Variants in HEPACAM2 observed in about 807,000 individuals in gnomAD.
HEPACAM2 encodes mitotic kinetics regulator.
Under a neutral mutation model 49.6 loss-of-function variants are expected in HEPACAM2, and 49 were observed. That is an observed-to-expected ratio of 0.99 (90% CI 0.78 to 1.25). HEPACAM2 has a LOEUF of 1.25. HEPACAM2 is among the 50% of genes most tolerant of loss of function. The pLI, the probability that HEPACAM2 is intolerant of heterozygous loss-of-function variation, is 0.00. For synonymous variants in HEPACAM2, 197 were observed against 202.9 expected (o/e 0.97, Z 0.25); for missense variants, 525 against 557.2 (o/e 0.94, Z 0.58).
chr7:93,210,003 T>C (rs751580136), intron 3 of HEPACAM2, among the ~76,000 whole-genome samples: 18 of 152,000 alleles, frequency 1.2e-4, no homozygotes, highest in Admixed American at 2.6e-4. Flanking sequence ...GGTGTTTTTT[T>C]CCACATTGCA....
At chr7:93,195,104 CA>C (rs1000176690) in intron 8 of HEPACAM2, among the ~76,000 whole-genome samples, 4 of 151,650 alleles carry the variant, frequency 2.6e-5, no homozygotes, top group Non-Finnish European at 2.9e-5. Flanking sequence ...GCAATGTTGT[CA>C]AAAGATATGA....
chr7:93,213,189 G>A (rs755010258), intron 3 of HEPACAM2, among the ~76,000 whole-genome samples: 3 of 151,694 alleles, frequency 2.0e-5, no homozygotes, highest in Non-Finnish European at 2.9e-5. Context: ...GCCATATGTT[G>A]CACACAAAAT....
intron 4 of HEPACAM2, among the ~76,000 whole-genome samples, chr7:93,205,322 T>C (rs1470982919): frequency 6.6e-6 from 1 of 152,100 alleles, no homozygotes; most frequent in Non-Finnish European, 1.5e-5. Context: ...CTCTCCAGCC[T>C]TCCTCTCCCC....
upstream of HEPACAM2, among the ~76,000 whole-genome samples, chr7:93,229,869 G>A (rs889142321): frequency 4.6e-5 from 7 of 152,232 alleles, no homozygotes; most frequent in African/African-American, 7.2e-5. Flanking sequence ...TTTTTTGAGC[G>A]TAGACAGATA....
chr7:93,230,997 A>G (rs1481902537), upstream of HEPACAM2, among the ~76,000 whole-genome samples: 1 of 152,214 alleles, frequency 6.6e-6, no homozygotes, highest in African/African-American at 2.4e-5. Flanking sequence ...TATCCTTACA[A>G]AGCCCTATAT....
intron 4 of HEPACAM2, among the ~76,000 whole-genome samples, chr7:93,206,760 T>C (rs957545895): frequency 2.0e-5 from 3 of 152,056 alleles, no homozygotes; most frequent in Non-Finnish European, 1.5e-5. Context: ...TTTCTTCATA[T>C]GAAAAAACCC....
Position 93,226,367 on chromosome 7 carries a change from C to T in HEPACAM2, c.79+1G>A, listed in dbSNP as rs1276622071. On this transcript the variant is annotated splice_donor_variant, in intron 1 of 9. Transcript: ENST00000394468. LOFTEE classifies it high-confidence loss of function. ...AAAACACAATTCACACAGGGCCTTA[C>T]CGAAGAGAAGGAGGTATATTTTGCA... 1.2e-6 allele frequency: 2 copies of T among 1,607,248 alleles called. No homozygotes were observed. The highest frequency in any genetic ancestry group is 1.3e-5 in the African/African-American group (1 of 74,704).
chr7:93,216,644 G>T (rs1584351712), intron 2 of HEPACAM2, among the ~76,000 whole-genome samples: 2 of 152,148 alleles, frequency 1.3e-5, no homozygotes, highest in Admixed American at 6.5e-5. Flanking sequence ...ACAGTGGCTT[G>T]CCCAGAGTTA....
intron 4 of HEPACAM2, among the ~76,000 whole-genome samples, chr7:93,198,547 T>C (rs770058323): frequency 1.3e-5 from 2 of 152,154 alleles, no homozygotes; most frequent in Non-Finnish European, 2.9e-5. Context: ...TTTAGTTATA[T>C]AGTCAATCTA....
At position 93,219,117 on chromosome 7, in the gene HEPACAM2, T is replaced by C; in HGVS notation, c.414A>G (p.Ile138Met). ...GGGACTCACCATCAACCGTGACTTG[T>C]ATCTTCTGACTGGCAGATAGAGTTC... is the stretch of plus-strand genomic sequence containing the variant. ...GNGTLSASQK[I>M]QVTVDDPVTK... The change falls in exon 2 of 10, where the codon ATA (isoleucine) becomes ATG (methionine). Residue 138 changes from isoleucine to methionine, a missense_variant. Coordinates refer to ENST00000394468, the MANE Select transcript of HEPACAM2 (RefSeq NM_001039372.4). The C allele has an allele frequency of 6.2e-7, 1 of 1,613,812 alleles. No homozygotes were observed. Among genetic ancestry groups the C allele is most frequent in the South Asian group, 1.1e-5 (1 of 91,068 alleles).
At chr7:93,204,468 T>C (rs996331993) in intron 4 of HEPACAM2, among the ~76,000 whole-genome samples, 30 of 152,116 alleles carry the variant, frequency 2.0e-4, no homozygotes, top group African/African-American at 7.0e-4. Context: ...TTCAAGGAAG[T>C]CCGTAATTAA....
chr7:93,215,805 G>T, intron 2 of HEPACAM2, 120 bp from the exon 3 acceptor site: 1 of 957,394 alleles, frequency 1.0e-6, no homozygotes, highest in Non-Finnish European at 1.5e-6. Context: ...CACTGTAAAT[G>T]TAGACAGCTC....
At chr7:93,217,309 T>TACATTTGCTTAA (rs1461159990) in intron 2 of HEPACAM2, among the ~76,000 whole-genome samples, 1 of 152,208 alleles carries the variant, frequency 6.6e-6, no homozygotes, top group Non-Finnish European at 1.5e-5. Context: ...ATTGTGATCA[T>TACATTTGCTTAA]ACATTTGCTT....
intron 2 of HEPACAM2, among the ~76,000 whole-genome samples, chr7:93,215,944 A>C (rs1279104351): frequency 6.6e-6 from 1 of 152,142 alleles, no homozygotes; most frequent in Non-Finnish European, 1.5e-5. Flanking sequence ...GGTCTAATGA[A>C]GCCCTTTACT....
chr7:93,213,827 C>T (rs1794238622), intron 3 of HEPACAM2, among the ~76,000 whole-genome samples: 1 of 151,906 alleles, frequency 6.6e-6, no homozygotes, highest in South Asian at 2.1e-4. Flanking sequence ...GGCAGGTAAA[C>T]CTTTCTGGAA....
At chr7:93,198,085 G>C (rs1157020224) in intron 4 of HEPACAM2, among the ~76,000 whole-genome samples, 1 of 151,394 alleles carries the variant, frequency 6.6e-6, no homozygotes, top group African/African-American at 2.4e-5. Flanking sequence ...GTAATTTTTG[G>C]CCAATAAAGA....
At chr7:93,190,398 G>A (rs1037921085) in intron 9 of HEPACAM2, among the ~76,000 whole-genome samples, 1 of 151,878 alleles carries the variant, frequency 6.6e-6, no homozygotes, top group South Asian at 2.1e-4. Flanking sequence ...CAGAAAATGA[G>A]GGATTCAAAG....
intron 3 of HEPACAM2, 98 bp from the exon 4 acceptor site, chr7:93,208,974 A>G (rs2116684539): frequency 9.6e-7 from 1 of 1,042,992 alleles, no homozygotes; most frequent in Non-Finnish European, 1.4e-6. Flanking sequence ...GTTTTTGAAA[A>G]TTTTCATCTT....
At chr7:93,217,297 G>C (rs376568023) in intron 2 of HEPACAM2, among the ~76,000 whole-genome samples, 25 of 152,274 alleles carry the variant, frequency 1.6e-4, no homozygotes, top group East Asian at 9.7e-4. Context: ...ATAGTCACTG[G>C]TATTGTGATC....
Sources: gnomAD v4.1 joint callset for allele counts (sites outside exome capture counted in the v4.1 genomes callset) on GRCh38, gnomAD v4.1.1 for gene constraint, MANE v1.5 for transcripts, NCBI Gene and HGNC (gene_info 2026-07-23, HGNC 2026-07-21) for gene names.